Variants in CWC27 observed in about 807,000 individuals in gnomAD.
The protein encoded by CWC27 is spliceosome-associated protein CWC27 homolog.
In CWC27, 47 loss-of-function variants were observed where a neutral mutation model predicts 63.6. That is an observed-to-expected ratio of 0.74 (90% CI 0.58 to 0.94). CWC27 has a LOEUF of 0.94. CWC27 is among the 40% of genes least tolerant of loss of function. CWC27 has a pLI of 0.00. For missense variants in CWC27, 495 were observed against 554.3 expected (o/e 0.89, Z 1.07); for synonymous variants, 175 against 179.8 (o/e 0.97, Z 0.22).
chr5:64,928,010 C>T lies in CWC27; in HGVS notation c.1042+42464C>T, dbSNP rs555496528. ...TTTTTACTAAAAATACAAAATTTAG[C>T]CAGGCATGGTGGCAGGCACCTGTAA... On this transcript the variant is annotated intron_variant, in intron 11 of 13. Coordinates refer to ENST00000381070, the MANE Select transcript of CWC27 (RefSeq NM_005869.4). 9.9e-4 allele frequency among the ~76,000 whole-genome samples: 151 copies of T among 152,146 alleles called. 2 individuals carry two copies. The South Asian group carries it at 0.03, about 31-fold the overall frequency.
At chr5:64,776,215 C>T (rs1424520997) in intron 2 of CWC27, among the ~76,000 whole-genome samples, 1 of 151,688 alleles carries the variant, frequency 6.6e-6, no homozygotes, top group Non-Finnish European at 1.5e-5. Flanking sequence ...AGAGAGGCCT[C>T]AAATATCTGT....
chr5:64,882,057 A>G (rs567340310), intron 10 of CWC27, among the ~76,000 whole-genome samples: 70 of 152,334 alleles, frequency 4.6e-4, no homozygotes, highest in African/African-American at 1.7e-3. Context: ...AATATGGGAT[A>G]TCTACAGTTG....
chr5:64,815,527 G>C (rs751878920), intron 10 of CWC27, among the ~76,000 whole-genome samples: 3 of 152,188 alleles, frequency 2.0e-5, no homozygotes, highest in Non-Finnish European at 2.9e-5. Context: ...GCAGTGAACT[G>C]TTGGAAAAGA....
At chr5:64,871,679 A>AT (rs760880112) in intron 10 of CWC27, among the ~76,000 whole-genome samples, 2 of 152,174 alleles carry the variant, frequency 1.3e-5, no homozygotes, top group Non-Finnish European at 2.9e-5. Flanking sequence ...CACTTTAAAT[A>AT]TTGTTTAAAA....
At chr5:64,822,437 A>T (rs142641371) in intron 10 of CWC27, among the ~76,000 whole-genome samples, 1 of 152,224 alleles carries the variant, frequency 6.6e-6, no homozygotes. Flanking sequence ...GTCTGCATGT[A>T]TGCAAGTAGC....
chr5:64,844,951 A>C (rs781242841), intron 10 of CWC27: 2 of 456,740 alleles, frequency 4.4e-6, no homozygotes, highest in South Asian at 3.1e-5. Context: ...CTTGGAGCCC[A>C]GCCTACAGCC....
At chr5:64,935,618 A>T (rs1277923139) in intron 11 of CWC27, among the ~76,000 whole-genome samples, 1 of 152,152 alleles carries the variant, frequency 6.6e-6, no homozygotes, top group African/African-American at 2.4e-5. Context: ...AATTTAAGGT[A>T]GTTTTTTCTA....
At chr5:64,831,333 C>T (rs892946443) in intron 10 of CWC27, among the ~76,000 whole-genome samples, 2 of 151,820 alleles carry the variant, frequency 1.3e-5, no homozygotes, top group South Asian at 2.1e-4. Flanking sequence ...CCCCTCCCCC[C>T]ACCACCATGT....
At chr5:64,964,821 C>T (rs952397629) in intron 11 of CWC27, among the ~76,000 whole-genome samples, 3 of 152,174 alleles carry the variant, frequency 2.0e-5, no homozygotes, top group Non-Finnish European at 4.4e-5. Context: ...TGTTTCTCAA[C>T]TCTTGTTAGT....
chr5:64,951,528 G>A (rs1028979956), intron 11 of CWC27, among the ~76,000 whole-genome samples: 1 of 151,882 alleles, frequency 6.6e-6, no homozygotes, highest in Non-Finnish European at 1.5e-5. Flanking sequence ...CCTATTGAAA[G>A]TATACAGTTC....
intron 11 of CWC27, among the ~76,000 whole-genome samples, chr5:64,909,792 C>G (rs1422096979): frequency 2.6e-5 from 4 of 152,138 alleles, no homozygotes; most frequent in Admixed American, 2.6e-4. Flanking sequence ...CATTTAAGGT[C>G]TTCTCTGTGC....
At chr5:64,934,735 C>T (rs559419836) in intron 11 of CWC27, among the ~76,000 whole-genome samples, 8 of 152,300 alleles carry the variant, frequency 5.3e-5, no homozygotes, top group African/African-American at 7.2e-5. Flanking sequence ...TAAAAGCATT[C>T]GTAATTCTCC....
chr5:64,923,159 C>T (rs905907506), intron 11 of CWC27, among the ~76,000 whole-genome samples: 8 of 152,206 alleles, frequency 5.3e-5, no homozygotes, highest in East Asian at 3.9e-4. Context: ...TCCAGCAGGA[C>T]GCTGTCAGCA....
chr5:64,875,682 A>T (rs1699287670), intron 10 of CWC27, among the ~76,000 whole-genome samples: 1 of 152,126 alleles, frequency 6.6e-6, no homozygotes, highest in Non-Finnish European at 1.5e-5. Context: ...GCATATATTT[A>T]ATCTAAGCAG....
intron 11 of CWC27, among the ~76,000 whole-genome samples, chr5:64,957,382 G>A (rs946253982): frequency 2.0e-4 from 30 of 152,072 alleles, no homozygotes; most frequent in African/African-American, 7.2e-4. Flanking sequence ...TGGCCATCGA[G>A]CTACAAGAAT....
At position 64,785,525 on chromosome 5, in the gene CWC27, A is replaced by G. The variant is rs1226648808; in HGVS notation, c.441A>G (p.Val147=). ...TVYNMLRLSE[V]DIDDDERPHN... ...ATAACATGTTGCGACTGTCAGAAGT[A>G]GACATTGATGATGACGAAAGACCAC... Residue 147 remains valine (V), a synonymous_variant, in exon 5 of 14, where the codon GTA becomes GTG. Transcript: ENST00000381070. 6.4e-7 allele frequency: 1 copy of G among 1,571,912 alleles called. No homozygotes were observed. The highest frequency in any genetic ancestry group is 8.6e-7 in the Non-Finnish European group (1 of 1,164,544).
chr5:64,953,731 TAC>T (rs1417351510), intron 11 of CWC27, among the ~76,000 whole-genome samples: 2 of 152,224 alleles, frequency 1.3e-5, no homozygotes, highest in East Asian at 1.9e-4. Flanking sequence ...GTTTTTGTAA[TAC>T]AGAGTTCAGG....
intron 12 of CWC27, among the ~76,000 whole-genome samples, chr5:64,975,024 C>T (rs1170273274): frequency 6.6e-6 from 1 of 152,198 alleles, no homozygotes; most frequent in Admixed American, 6.5e-5. Context: ...CTGCAGCCCT[C>T]AGAATGCCTA....
chr5:64,917,939 C>T (rs1747922758), intron 11 of CWC27, among the ~76,000 whole-genome samples: 1 of 151,948 alleles, frequency 6.6e-6, no homozygotes, highest in Admixed American at 6.6e-5. Context: ...GATACATACA[C>T]ACACACACAC....
Sources: allele counts gnomAD v4.1 joint callset (sites outside exome capture counted in the v4.1 genomes callset), GRCh38; gene constraint gnomAD v4.1.1; transcripts MANE v1.5; gene names NCBI Gene and HGNC (gene_info 2026-07-23, HGNC 2026-07-21).